ZHX2: variants seen among roughly 807,000 people sequenced by gnomAD.
The protein encoded by ZHX2 is zinc fingers and homeoboxes protein 2.
A neutral mutation model predicts 21.9 loss-of-function variants in ZHX2; 6 were observed. The ratio of observed to expected loss-of-function variants is 0.27; its 90% CI spans 0.15 to 0.54. The LOEUF (loss-of-function observed/expected upper bound fraction) is 0.54, where lower values mean the gene tolerates loss of function less well. Among genes scored for constraint, ZHX2 ranks in the 20% least tolerant of loss-of-function variants. The probability of loss-of-function intolerance (pLI) is 0.95; values close to 1 mark genes in which losing one functional copy is unlikely to be tolerated. For missense variants in ZHX2, 908 were observed against 1,090.7 expected, an observed-to-expected ratio of 0.83 and a Z score of 2.36; for synonymous variants, 434 against 437.1, an observed-to-expected ratio of 0.99 and a Z score of 0.09.
chr8:122,931,811 G>A (rs1821001347), intron 2 of ZHX2, among the ~76,000 whole-genome samples: 1 of 152,148 alleles, frequency 6.6e-6, no homozygotes, highest in South Asian at 2.1e-4. Flanking sequence ...ATATCTTTCT[G>A]GAGCATTAAT....
chr8:122,913,300 C>T lies in ZHX2; in HGVS notation c.-219-37992C>T, dbSNP rs114300793. On this transcript the variant is annotated intron_variant, in intron 2 of 3. Transcript: ENST00000314393. ...TCTGTTAATGAACATTTCCACTTTT[C>T]GACTATCATAAATAGTGCTGCTATG... Among the ~76,000 whole-genome samples, 1,151 of 152,300 alleles carry T rather than the reference C, an allele frequency of 7.6e-3. 12 individuals carry two copies. The highest frequency in any genetic ancestry group is 0.026 in the African/African-American group (1,075 of 41,564).
chr8:122,858,933 G>A (rs970508546), intron 1 of ZHX2, among the ~76,000 whole-genome samples: 8 of 152,146 alleles, frequency 5.3e-5, no homozygotes, highest in Admixed American at 3.3e-4. Context: ...GAGCCACCAC[G>A]CCCAGCCCAA....
intron 1 of ZHX2, among the ~76,000 whole-genome samples, chr8:122,809,479 A>G (rs1817883302): frequency 6.6e-6 from 1 of 152,066 alleles, no homozygotes; most frequent in African/African-American, 2.4e-5. Flanking sequence ...CAGCCTGGGC[A>G]ACAGAGTGAA....
At chr8:122,944,674 C>T (rs1812925692) in intron 2 of ZHX2, among the ~76,000 whole-genome samples, 1 of 152,204 alleles carries the variant, frequency 6.6e-6, no homozygotes, top group African/African-American at 2.4e-5. Context: ...GCAACTAGAA[C>T]AGCATCTGGC....
rs1298464684 is a variant in ZHX2 at position 122,796,097 on chromosome 8, G to A, written c.-283+14151G>A. Among the ~76,000 whole-genome samples, 31 of 151,810 alleles carry A rather than the reference G, an allele frequency of 2.0e-4. 1 individual carries two copies. Among genetic ancestry groups the A allele is most frequent in the Non-Finnish European group, 4.3e-4 (29 of 67,958 alleles). On this transcript the variant is annotated intron_variant, in intron 1 of 3. Coordinates refer to ENST00000314393, the MANE Select transcript of ZHX2 (RefSeq NM_014943.5). Reference sequence around the variant, plus strand: ...GAGGCAGGAGAATCGCTTGAACCCAGGAGGCAGAGGCTGCAGTGAGCTGAG... The same window carrying A: ...GAGGCAGGAGAATCGCTTGAACCCAAGAGGCAGAGGCTGCAGTGAGCTGAG...
At chr8:122,935,536 C>CTT (rs397795298) in intron 2 of ZHX2, among the ~76,000 whole-genome samples, 1,391 of 133,894 alleles carry the variant, frequency 0.01, 28 homozygotes, top group Middle Eastern at 0.016. Context: ...TTGAGAGTAA[C>CTT]TTTTTTTTTT....
rs534919364 is a variant in ZHX2, at chr8:122,886,948, T to A, written c.-220+23409T>A. 1.6e-4 allele frequency among the ~76,000 whole-genome samples: 24 copies of A among 152,194 alleles called. No homozygotes were observed. The South Asian group carries it at 5.0e-3, about 32-fold the overall frequency. ...TAAGACAAGGAAATGGAGGCTCAGA[T>A]AGGTTAAGGCATGTGCCCAGGGTCA... On this transcript the variant is annotated intron_variant, in intron 2 of 3. Coordinates refer to ENST00000314393, the MANE Select transcript of ZHX2 (RefSeq NM_014943.5).
chr8:122,910,350 T>C (rs771192463), intron 2 of ZHX2, among the ~76,000 whole-genome samples: 5 of 152,102 alleles, frequency 3.3e-5, no homozygotes, highest in African/African-American at 9.7e-5. Flanking sequence ...AGCCAATTCA[T>C]TGTAGAATTG....
At chr8:122,799,775 C>G (rs1269324017) in intron 1 of ZHX2, among the ~76,000 whole-genome samples, 1 of 152,230 alleles carries the variant, frequency 6.6e-6, no homozygotes, top group African/African-American at 2.4e-5. Context: ...GAGGAGAGTC[C>G]TGTCCACCTG....
chr8:122,876,409 T>G (rs1819573714), intron 2 of ZHX2, among the ~76,000 whole-genome samples: 2 of 152,278 alleles, frequency 1.3e-5, no homozygotes, highest in South Asian at 4.1e-4. Flanking sequence ...TCCTTAATAT[T>G]AAATGAAAAT....
rs558136841 is a variant in ZHX2, at chr8:122,840,586, C to T, written c.-282-22891C>T. Among the ~76,000 whole-genome samples, 4 of 152,302 alleles carry T rather than the reference C, an allele frequency of 2.6e-5. No homozygotes were observed. The South Asian group carries it at 8.3e-4, about 32-fold the overall frequency. The stretch of plus-strand genomic sequence containing the variant: ...TTGTCATTACATTGCACAGAAAATT[C>T]ATTACAAGCACAGAAAGTACTTGTC... On this transcript the variant is annotated intron_variant, in intron 1 of 3. Coordinates refer to ENST00000314393, the MANE Select transcript of ZHX2 (RefSeq NM_014943.5).
intron 1 of ZHX2, among the ~76,000 whole-genome samples, chr8:122,855,270 A>G (rs975955768): frequency 6.6e-6 from 1 of 152,258 alleles, no homozygotes; most frequent in Non-Finnish European, 1.5e-5. Flanking sequence ...AGTTGACTCC[A>G]TAAGTGAAGT....
intron 2 of ZHX2, among the ~76,000 whole-genome samples, chr8:122,878,924 G>C (rs1819633329): frequency 6.6e-6 from 1 of 152,140 alleles, no homozygotes; most frequent in Admixed American, 6.5e-5. Flanking sequence ...GTCAGTATCT[G>C]TGTCTTCCAC....
chr8:122,889,834 T>C (rs1284029930), intron 2 of ZHX2, among the ~76,000 whole-genome samples: 1 of 152,120 alleles, frequency 6.6e-6, no homozygotes, highest in Non-Finnish European at 1.5e-5. Context: ...GTATAGATGA[T>C]GGAGGTTGGG....
rs1229201697 is a variant in ZHX2 at position 122,828,841 on chromosome 8, G to A, written c.-282-34636G>A. Among the ~76,000 whole-genome samples the A allele has an allele frequency of 6.6e-6, 1 of 152,144 alleles. No homozygotes were observed. Among genetic ancestry groups the A allele is most frequent in the Non-Finnish European group, 1.5e-5 (1 of 68,026 alleles). On this transcript the variant is annotated intron_variant, in intron 1 of 3. Coordinates refer to ENST00000314393, the MANE Select transcript of ZHX2 (RefSeq NM_014943.5). The surrounding 1 kb of genome is among the most constrained non-coding windows in gnomAD (Gnocchi z 5.2). ...TTTGGGCTCTACCCAGGGTGTTGTA[G>A]GTTTTTATTTTATTTTATTTTATTT... is the stretch of plus-strand genomic sequence containing the variant.
chr8:122,799,510 C>T (rs1212533924), intron 1 of ZHX2, among the ~76,000 whole-genome samples: 6 of 152,136 alleles, frequency 3.9e-5, no homozygotes, highest in African/African-American at 1.4e-4. Context: ...CCAGAGAAGT[C>T]GTCTATTAAA....
At chr8:122,811,613 A>G (rs1310428068) in intron 1 of ZHX2, among the ~76,000 whole-genome samples, 2 of 152,172 alleles carry the variant, frequency 1.3e-5, no homozygotes, top group African/African-American at 4.8e-5. Context: ...GAGAAATCCC[A>G]TCTGTGATGT....
At chr8:122,819,444 G>T (rs990443658) in intron 1 of ZHX2, among the ~76,000 whole-genome samples, 1 of 152,166 alleles carries the variant, frequency 6.6e-6, no homozygotes, top group African/African-American at 2.4e-5. Context: ...ATACAAAGAT[G>T]GCCATAGAAG....
At chr8:122,796,921 C>T (rs996116424) in intron 1 of ZHX2, among the ~76,000 whole-genome samples, 1 of 152,144 alleles carries the variant, frequency 6.6e-6, no homozygotes, top group African/African-American at 2.4e-5. Context: ...CTCCTAAGTC[C>T]GTGCTGTCTC....
Sources: allele counts gnomAD v4.1 joint callset (sites outside exome capture counted in the v4.1 genomes callset), GRCh38; gene constraint gnomAD v4.1.1; non-coding constraint Gnocchi (gnomAD v3.1); transcripts MANE v1.5; gene names NCBI Gene and HGNC (gene_info 2026-07-23, HGNC 2026-07-21).